Variants in EPAS1 observed in about 807,000 individuals in gnomAD.
EPAS1 encodes the protein endothelial PAS domain-containing protein 1.
Under a neutral mutation model 87.9 loss-of-function variants are expected in EPAS1, and 23 were observed. The observed-to-expected ratio is 0.26, with a 90% CI of 0.19 to 0.37. The LOEUF is 0.37. Among genes scored for constraint, EPAS1 ranks in the 10% least tolerant of loss-of-function variants. The probability of loss-of-function intolerance (pLI) is 1.00; values close to 1 mark genes in which losing one functional copy is unlikely to be tolerated. For missense variants in EPAS1, 1,138 were observed against 1,120.7 expected (o/e 1.02, Z -0.22); for synonymous variants, 508 against 444.3 (o/e 1.14, Z -1.80).
chr2:46,365,291 C>A (rs1010300326), intron 6 of EPAS1, among the ~76,000 whole-genome samples: 3 of 152,124 alleles, frequency 2.0e-5, no homozygotes, highest in African/African-American at 7.2e-5. Context: ...CAAAGAGGGT[C>A]ATACAATTTT....
At chr2:46,355,928 T>C (rs563227999) in intron 2 of EPAS1, among the ~76,000 whole-genome samples, 2 of 152,224 alleles carry the variant, frequency 1.3e-5, no homozygotes, top group Non-Finnish European at 2.9e-5. Context: ...GAAGTACTGT[T>C]GTCACAACAA....
At chr2:46,318,627 T>C (rs1236720576) in intron 1 of EPAS1, among the ~76,000 whole-genome samples, 3 of 152,226 alleles carry the variant, frequency 2.0e-5, no homozygotes, top group Admixed American at 2.0e-4. Flanking sequence ...TTTTGAGTGT[T>C]GTACCCTAAC....
At chr2:46,379,864 A>G in intron 11 of EPAS1, 1 of 378,640 alleles carries the variant, frequency 2.6e-6, no homozygotes, top group Non-Finnish European at 5.1e-6. Context: ...TAAGCATTGT[A>G]GGACAAGGAT....
chr2:46,302,391 A>G (rs1012463121), intron 1 of EPAS1, among the ~76,000 whole-genome samples: 13 of 152,080 alleles, frequency 8.5e-5, no homozygotes, highest in Non-Finnish European at 5.9e-5. Flanking sequence ...CCCTATGCCA[A>G]CCTGCTAGTT....
Position 46,378,070 on chromosome 2 carries a change from A to G in EPAS1, c.1426A>G (p.Ser476Gly), listed in dbSNP as rs1034103766. 4 of 1,605,088 alleles carry G rather than the reference A, an allele frequency of 2.5e-6. No homozygotes were observed. Among genetic ancestry groups the G allele is most frequent in the South Asian group, 2.2e-5 (2 of 89,526 alleles). Residue 476 changes from serine to glycine, a missense_variant, in exon 10 of 16, where the codon AGC (serine) becomes GGC (glycine). Coordinates refer to ENST00000263734, the MANE Select transcript of EPAS1 (RefSeq NM_001430.5). ...CACCACCCCCAGTGCCACCAGCAGC[A>G]GCAGCAGCTGCTCCACGGTGAGCAG... ...GSTTPSATSS[S>G]SSCSTPNSPE...
rs551028790 is a variant in EPAS1, at chr2:46,379,068, C to T, written c.1554+301C>T. Among the ~76,000 whole-genome samples, 9 of 152,344 alleles carry T rather than the reference C, an allele frequency of 5.9e-5. 1 individual carries two copies. The highest frequency in any genetic ancestry group is 2.2e-4 in the African/African-American group (9 of 41,572). ...TTCTTTAAACAGGCCCTACATTTAA[C>T]AAGCATAGCCAGATGTATAAAACAT... On this transcript the variant is annotated intron_variant, in intron 11 of 15. Coordinates refer to ENST00000263734, the MANE Select transcript of EPAS1 (RefSeq NM_001430.5).
At chr2:46,298,858 C>T (rs1016169360) in intron 1 of EPAS1, among the ~76,000 whole-genome samples, 7 of 152,358 alleles carry the variant, frequency 4.6e-5, no homozygotes, top group African/African-American at 1.7e-4. Context: ...CAGGCAGGGC[C>T]TCAACTTCTG....
At chr2:46,343,890 T>G (rs540993300) in intron 1 of EPAS1, among the ~76,000 whole-genome samples, 1 of 152,360 alleles carries the variant, frequency 6.6e-6, no homozygotes, top group Non-Finnish European at 1.5e-5. Flanking sequence ...AGTGTCTGTT[T>G]CCAGATCTGT....
At chr2:46,316,619 A>G (rs1683343615) in intron 1 of EPAS1, among the ~76,000 whole-genome samples, 1 of 152,216 alleles carries the variant, frequency 6.6e-6, no homozygotes, top group Non-Finnish European at 1.5e-5. Flanking sequence ...GCTAACAATC[A>G]TCTGAGCCTT....
At chr2:46,301,114 AAAG>A (rs1259413301) in intron 1 of EPAS1, among the ~76,000 whole-genome samples, 1 of 152,214 alleles carries the variant, frequency 6.6e-6, no homozygotes, top group African/African-American at 2.4e-5. Flanking sequence ...ATGAAGTTCA[AAAG>A]AATGCCATCA....
At chr2:46,383,556 G>C (rs1341986505) in intron 15 of EPAS1, among the ~76,000 whole-genome samples, 1 of 152,164 alleles carries the variant, frequency 6.6e-6, no homozygotes, top group Admixed American at 6.5e-5. Context: ...AGACAGCCCT[G>C]GCTTAAATTC....
At chr2:46,312,213 C>T (rs56358702) in intron 1 of EPAS1, among the ~76,000 whole-genome samples, 18 of 152,228 alleles carry the variant, frequency 1.2e-4, no homozygotes, top group Non-Finnish European at 1.8e-4. Flanking sequence ...TAAATGCTCC[C>T]GAGTCACCTT....
Position 46,347,021 on chromosome 2 carries a change from C to T in EPAS1, c.175C>T (p.Leu59=), listed in dbSNP as rs1329545903. The part of the protein sequence containing the change: ...SHLDKASIMR[L]AISFLRTHKL... Reference sequence around the variant, plus strand: ...TCTGGACAAGGCCTCCATCATGCGACTGGCAATCAGCTTCCTGCGAACACA... The same window carrying T: ...TCTGGACAAGGCCTCCATCATGCGATTGGCAATCAGCTTCCTGCGAACACA... The change falls in exon 2 of 16, where the codon CTG becomes TTG. Residue 59 remains leucine, a synonymous_variant. Transcript: ENST00000263734. The surrounding 1 kb of genome is among the most constrained non-coding windows in gnomAD (Gnocchi z 4.2). 6.8e-6 allele frequency: 11 copies of T among 1,614,118 alleles called. No homozygotes were observed. The highest frequency in any genetic ancestry group is 2.2e-5 in the East Asian group (1 of 44,898).
chr2:46,334,003 A>G (rs918883156), intron 1 of EPAS1, among the ~76,000 whole-genome samples: 1 of 152,182 alleles, frequency 6.6e-6, no homozygotes, highest in Admixed American at 6.5e-5. Flanking sequence ...CTGTTCAGCA[A>G]GAATGCCTTG....
intron 1 of EPAS1, among the ~76,000 whole-genome samples, chr2:46,320,074 C>A (rs1683423695): frequency 6.6e-6 from 1 of 152,168 alleles, no homozygotes; most frequent in South Asian, 2.1e-4. Flanking sequence ...TACAGTCTCT[C>A]CTTCAATTTA....
chr2:46,300,783 A>G lies in EPAS1; in HGVS notation c.26+2846A>G, dbSNP rs1682980421. On this transcript the variant is annotated intron_variant, in intron 1 of 15. Coordinates refer to ENST00000263734, the MANE Select transcript of EPAS1 (RefSeq NM_001430.5). This position sits in a 1 kb window ranked among gnomAD's most constrained non-coding sequence, Gnocchi z 4.1. Reference sequence around the variant, plus strand: ...CAGACCTAGGTCCAGACACCTTCCCAGAGTGCTTATACAGTAGTGCTCAGT... The same window carrying G: ...CAGACCTAGGTCCAGACACCTTCCCGGAGTGCTTATACAGTAGTGCTCAGT... 6.6e-6 allele frequency among the ~76,000 whole-genome samples: 1 copy of G among 152,216 alleles called. No homozygotes were observed. Among genetic ancestry groups the G allele is most frequent in the African/African-American group, 2.4e-5 (1 of 41,454 alleles).
intron 6 of EPAS1, among the ~76,000 whole-genome samples, chr2:46,367,136 C>T (rs1684520125): frequency 6.6e-6 from 1 of 152,214 alleles, no homozygotes; most frequent in Non-Finnish European, 1.5e-5. Flanking sequence ...TTTGTTTTTC[C>T]ACTTCCAAAA....
At chr2:46,362,811 T>C (rs951371576) in intron 6 of EPAS1, among the ~76,000 whole-genome samples, 4 of 152,218 alleles carry the variant, frequency 2.6e-5, no homozygotes, top group African/African-American at 9.6e-5. Context: ...CTGACCACAG[T>C]AGGGCCAGGA....
chr2:46,346,761 C>A lies in EPAS1; in HGVS notation c.27-112C>A. 9.1e-7 allele frequency: 1 copy of A among 1,099,504 alleles called. No individual in the cohort carries two copies. Among genetic ancestry groups the A allele is most frequent in the Non-Finnish European group, 1.4e-6 (1 of 739,484 alleles). The allele number at this position is 1,099,504 out of a possible 1,614,324, so 68.1% of individuals were successfully genotyped here. On this transcript the variant is annotated intron_variant, in intron 1 of 15. Coordinates refer to ENST00000263734, the MANE Select transcript of EPAS1 (RefSeq NM_001430.5). The surrounding 1 kb of genome is among the most constrained non-coding windows in gnomAD (Gnocchi z 4.0). ...ACAACTGGTGTGAGCCCAGATCAGTCTAGTAAGGGAGTGTGGCTGCACTGG... is the reference window on the plus strand; with the variant it reads ...ACAACTGGTGTGAGCCCAGATCAGTATAGTAAGGGAGTGTGGCTGCACTGG...
Sources: gnomAD v4.1 joint callset for allele counts (sites outside exome capture counted in the v4.1 genomes callset) on GRCh38, gnomAD v4.1.1 for gene constraint, Gnocchi (gnomAD v3.1) non-coding constraint, MANE v1.5 for transcripts, NCBI Gene and HGNC (gene_info 2026-07-23, HGNC 2026-07-21) for gene names.